The following IL1RAPL2 variants were observed in gnomAD, a reference collection of about 807,000 sequenced individuals.
IL1RAPL2 encodes X-linked interleukin-1 receptor accessory protein-like 2.
Under a neutral mutation model 44.1 loss-of-function variants are expected in IL1RAPL2, and 3 were observed. That is an observed-to-expected ratio of 0.07 (90% CI 0.03 to 0.18). The LOEUF is 0.18. Among genes scored for constraint, IL1RAPL2 ranks in the 10% least tolerant of loss-of-function variants. IL1RAPL2 has a pLI of 1.00. For missense variants in IL1RAPL2, 391 were observed against 496.4 expected (o/e 0.79, Z 2.02); for synonymous variants, 181 against 178.8 (o/e 1.01, Z -0.10).
intron 2 of IL1RAPL2, among the ~76,000 whole-genome samples, chrX:104,927,849 T>C (rs1377157786): frequency 8.9e-6 from 1 of 111,807 alleles, no homozygotes; most frequent in Non-Finnish European, 1.9e-5. Flanking sequence ...CAAATGGCAT[T>C]GTTACTCCTC....
At chrX:105,492,096 A>G (rs1426505049) in intron 6 of IL1RAPL2, among the ~76,000 whole-genome samples, 1 of 111,573 alleles carries the variant, frequency 9.0e-6, no homozygotes. Flanking sequence ...TATATTTGAA[A>G]CCAAAATTAT....
chrX:104,885,236 A>G (rs964531211), intron 2 of IL1RAPL2, among the ~76,000 whole-genome samples: 7 of 111,872 alleles, frequency 6.3e-5, no homozygotes, highest in Middle Eastern at 4.6e-3. Flanking sequence ...CAGCCGAAGA[A>G]AGGGACAAAT....
intron 2 of IL1RAPL2, among the ~76,000 whole-genome samples, chrX:104,897,743 A>C (rs1036999869): frequency 8.9e-6 from 1 of 112,292 alleles, no homozygotes; most frequent in African/African-American, 3.2e-5. Context: ...GTAAAGCAAC[A>C]CCAGGCATTA....
At chrX:104,567,502 C>T (rs1192930017) in intron 1 of IL1RAPL2, among the ~76,000 whole-genome samples, 1 of 112,592 alleles carries the variant, frequency 8.9e-6, no homozygotes, top group East Asian at 2.8e-4. Context: ...CCCAGCAATA[C>T]GCTGCCGCTC....
intron 8 of IL1RAPL2, among the ~76,000 whole-genome samples, chrX:105,743,467 A>G (rs2038516610): frequency 9.0e-6 from 1 of 111,173 alleles, no homozygotes; most frequent in Non-Finnish European, 1.9e-5. Context: ...AGCTGTCTCC[A>G]TGACTCCCTC....
At chrX:104,772,602 T>A (rs1381367523) in intron 2 of IL1RAPL2, among the ~76,000 whole-genome samples, 3 of 112,277 alleles carry the variant, frequency 2.7e-5, no homozygotes, top group African/African-American at 9.7e-5. Flanking sequence ...GTATGATCCA[T>A]CTTTGCTACA....
intron 2 of IL1RAPL2, among the ~76,000 whole-genome samples, chrX:105,016,043 G>A (rs2031168065): frequency 9.0e-6 from 1 of 111,197 alleles, no homozygotes; most frequent in African/African-American, 3.3e-5. Flanking sequence ...CTTGTAAGTT[G>A]GATTCCTAGG....
chrX:105,088,538 T>G (rs1308250039), intron 2 of IL1RAPL2, among the ~76,000 whole-genome samples: 1 of 111,682 alleles, frequency 9.0e-6, no homozygotes, highest in African/African-American at 3.2e-5. Flanking sequence ...GAGGACTTAT[T>G]ATAATGATAA....
At chrX:104,632,273 C>A (rs1350170205) in intron 1 of IL1RAPL2, among the ~76,000 whole-genome samples, 5 of 111,422 alleles carry the variant, frequency 4.5e-5, no homozygotes, top group East Asian at 2.8e-4. Flanking sequence ...AGTCAGGTAG[C>A]TCGATGCCTC....
chrX:105,482,919 G>T (rs1292863422), intron 5 of IL1RAPL2, among the ~76,000 whole-genome samples: 2 of 110,106 alleles, frequency 1.8e-5, no homozygotes, highest in Non-Finnish European at 1.9e-5. Context: ...GGGAATTCAG[G>T]ATATAAACAA....
At chrX:104,888,747 A>C (rs1431364332) in intron 2 of IL1RAPL2, among the ~76,000 whole-genome samples, 1 of 109,804 alleles carries the variant, frequency 9.1e-6, no homozygotes, top group Non-Finnish European at 1.9e-5. Flanking sequence ...GTCTTTACCA[A>C]CTTAACCTAC....
intron 3 of IL1RAPL2, among the ~76,000 whole-genome samples, chrX:105,199,719 G>A (rs1362373295): frequency 1.8e-5 from 2 of 111,818 alleles, no homozygotes; most frequent in Non-Finnish European, 3.8e-5. Flanking sequence ...GAAGATAAAA[G>A]AATTCCACTA....
intron 2 of IL1RAPL2, among the ~76,000 whole-genome samples, chrX:105,142,922 C>A (rs981495653): frequency 9.1e-6 from 1 of 110,412 alleles, no homozygotes; most frequent in African/African-American, 3.3e-5. Context: ...ATGATGGTTT[C>A]CAGCTTCATC....
intron 2 of IL1RAPL2, among the ~76,000 whole-genome samples, chrX:104,950,321 C>G (rs890636196): frequency 8.9e-6 from 1 of 112,329 alleles, no homozygotes; most frequent in Non-Finnish European, 1.9e-5. Flanking sequence ...GCAGTCTGCC[C>G]GTTCTCAGAT....
chrX:105,455,949 A>G (rs1022372987), intron 5 of IL1RAPL2, among the ~76,000 whole-genome samples: 2 of 112,215 alleles, frequency 1.8e-5, no homozygotes, highest in African/African-American at 3.2e-5. Context: ...CTTCCTATCT[A>G]TGAGCATGGA....
At chrX:105,421,731 A>G (rs1169343606) in intron 5 of IL1RAPL2, among the ~76,000 whole-genome samples, 2 of 111,704 alleles carry the variant, frequency 1.8e-5, no homozygotes, top group Non-Finnish European at 3.8e-5. Context: ...GGCAGCTATG[A>G]AAATGGTTTA....
intron 2 of IL1RAPL2, among the ~76,000 whole-genome samples, chrX:104,980,165 G>A (rs2030411124): frequency 9.0e-6 from 1 of 111,472 alleles, no homozygotes. Flanking sequence ...GTAGATAGAT[G>A]CTGAGAAGAA....
At chrX:105,171,495 C>T (rs2033422673) in intron 2 of IL1RAPL2, among the ~76,000 whole-genome samples, 1 of 110,937 alleles carries the variant, frequency 9.0e-6, no homozygotes, top group Admixed American at 9.6e-5. Flanking sequence ...CCCCCTGTAG[C>T]ATAGGGAGTA....
At chrX:105,683,460 T>G (rs971919686) in intron 6 of IL1RAPL2, among the ~76,000 whole-genome samples, 2 of 111,436 alleles carry the variant, frequency 1.8e-5, no homozygotes, top group Non-Finnish European at 3.8e-5. Context: ...ATGTGTTCAT[T>G]GTTGCTATCT....
Sources: gnomAD v4.1 joint callset for allele counts (sites outside exome capture counted in the v4.1 genomes callset) on GRCh38, gnomAD v4.1.1 for gene constraint, MANE v1.5 for transcripts, NCBI Gene and HGNC (gene_info 2026-07-23, HGNC 2026-07-21) for gene names.